Variants in CORO7 observed in about 807,000 individuals in gnomAD.
CORO7 encodes the protein coronin 7, also known as coronin-7.
Under a neutral mutation model 126.6 loss-of-function variants are expected in CORO7, and 107 were observed. The ratio of observed to expected loss-of-function variants is 0.85; its 90% CI spans 0.72 to 0.99. The LOEUF (loss-of-function observed/expected upper bound fraction) is 0.99, where lower values mean the gene tolerates loss of function less well. CORO7 is among the 50% of genes least tolerant of loss of function. CORO7 has a pLI of 0.00. For synonymous variants in CORO7, 603 were observed against 536.8 expected (o/e 1.12, Z -1.70); for missense variants, 1,314 against 1,255.8 (o/e 1.05, Z -0.70).
At chr16:4,357,508 C>T (rs975269493) in intron 25 of CORO7, 18 of 438,256 alleles carry the variant, frequency 4.1e-5, no homozygotes, top group Non-Finnish European at 7.2e-5. Context: ...TGCAGGCGCC[C>T]ACCACGCCAG....
rs768400250 is a variant in CORO7 at position 4,381,647 on chromosome 16, C to T, written c.785+6339G>A. The T allele has an allele frequency of 6.7e-5, 108 of 1,601,570 alleles. No individual in the cohort carries two copies. The highest frequency in any genetic ancestry group is 8.2e-5 in the Non-Finnish European group (96 of 1,174,978). The stretch of plus-strand genomic sequence containing the variant: ...AACACCCGCATTGCCCAGCTGCGGC[C>T]CGAGGACCTGGCCGGCCTGGCTGCC... On this transcript the variant is annotated intron_variant, in intron 9 of 27. Transcript: ENST00000251166.
At chr16:4,373,688 A>G (rs1376616454) in intron 9 of CORO7, among the ~76,000 whole-genome samples, 1 of 152,154 alleles carries the variant, frequency 6.6e-6, no homozygotes, top group African/African-American at 2.4e-5. Flanking sequence ...AGCTGGGACA[A>G]GTCCCAAGTA....
chr16:4,400,585 A>G (rs1371698431), intron 6 of CORO7, among the ~76,000 whole-genome samples: 1 of 152,114 alleles, frequency 6.6e-6, no homozygotes, highest in Non-Finnish European at 1.5e-5. Flanking sequence ...GTGAGCTGAG[A>G]TCGTGCCATT....
Position 4,358,374 on chromosome 16 carries a change from CG to C in CORO7, c.2449del (p.Arg817GlufsTer17). 6.2e-7 allele frequency: 1 copy of C among 1,612,438 alleles called. No homozygotes were observed. Among genetic ancestry groups the C allele is most frequent in the Non-Finnish European group, 8.5e-7 (1 of 1,179,704 alleles). ...SLEPVAFRLP[R>X]VRKEFFQDDV... ...CCAGGTCCCCACCCTCACCCGGACTCGGGGCAGCCGGAAGGCCACAGGCTCC... is the reference window on the plus strand; with the variant it reads ...CCAGGTCCCCACCCTCACCCGGACTCGGGCAGCCGGAAGGCCACAGGCTCC... On this transcript the variant is annotated frameshift_variant, in exon 24 of 28. Coordinates refer to ENST00000251166, the MANE Select transcript of CORO7 (RefSeq NM_024535.5). LOFTEE classifies it high-confidence loss of function.
intron 6 of CORO7, among the ~76,000 whole-genome samples, chr16:4,403,618 A>G (rs1396981402): frequency 6.6e-6 from 1 of 152,166 alleles, no homozygotes; most frequent in Non-Finnish European, 1.5e-5. Flanking sequence ...TGTGACTCCT[A>G]TGACTCTTCC....
At chr16:4,408,290 G>A (rs745831113) in intron 3 of CORO7, 39 bp from the exon 4 acceptor site, 9 of 1,614,026 alleles carry the variant, frequency 5.6e-6, no homozygotes, top group African/African-American at 1.3e-5. Context: ...GGAATGTCCT[G>A]TTTCCAACCC....
At chr16:4,381,632 T>C (rs2054969913) in intron 9 of CORO7, 4 of 1,600,176 alleles carry the variant, frequency 2.5e-6, no homozygotes, top group Non-Finnish European at 3.4e-6. Context: ...AACACCCGCA[T>C]TGCCCAGCTG....
At chr16:4,395,573 T>C (rs1441931252) in intron 6 of CORO7, among the ~76,000 whole-genome samples, 1 of 152,186 alleles carries the variant, frequency 6.6e-6, no homozygotes, top group African/African-American at 2.4e-5. Flanking sequence ...GCCTGAGACC[T>C]ACTCAGTGAG....
At chr16:4,415,531 C>A (rs1411768536) in intron 1 of CORO7, among the ~76,000 whole-genome samples, 1 of 152,118 alleles carries the variant, frequency 6.6e-6, no homozygotes, top group African/African-American at 2.4e-5. Context: ...AGGAAAATGC[C>A]GTTGTGTTCA....
rs201255366 is a variant in CORO7, at chr16:4,358,477, C to T, written c.2347G>A (p.Val783Ile). The T allele has an allele frequency of 8.1e-4, 1,287 of 1,596,458 alleles. 25 individuals carry two copies. In the South Asian group the frequency reaches 0.013, roughly 16 times the overall value. Residue 783 changes from valine to isoleucine, a missense_variant, in exon 24 of 28, where the codon GTC becomes ATC. Val to Ile is a conservative substitution (Grantham distance 29, BLOSUM62 3). Coordinates refer to ENST00000251166, the MANE Select transcript of CORO7 (RefSeq NM_024535.5). Reference protein sequence around the residue: ...FTSPDPHKGLVLLPKTECDVR... With the variant: ...FTSPDPHKGLILLPKTECDVR... ...TCGCACTCCGTCTTAGGCAGGAGGA[C>T]GAGGCCCTGGGGGAGCAAGGGAGTC...
rs138027784 is a variant in CORO7 at position 4,413,162 on chromosome 16, C to G, written c.157+146G>C. On this transcript the variant is annotated intron_variant, in intron 2 of 27. Coordinates refer to ENST00000251166, the MANE Select transcript of CORO7 (RefSeq NM_024535.5). ...GGACCAGTTTGTGGGGGTCTAAGGT[C>G]TGGCATGGGGCTCACCTCTGAGCCC... is the stretch of plus-strand genomic sequence containing the variant. 5.7e-3 allele frequency: 4,319 copies of G among 762,048 alleles called. 13 individuals are homozygous for G. The highest frequency in any genetic ancestry group is 7.4e-3 in the Non-Finnish European group (3,597 of 483,764). 47.2% of individuals were successfully genotyped at this position (762,048 alleles called of 1,614,324 possible).
chr16:4,362,188 C>A lies in CORO7; in HGVS notation c.1403-28G>T, dbSNP rs779952117. On this transcript the variant is annotated intron_variant, in intron 15 of 27. Transcript: ENST00000251166. This position sits in a 1 kb window ranked among gnomAD's most constrained non-coding sequence, Gnocchi z 5.3. The stretch of plus-strand genomic sequence containing the variant: ...GGCAGGTGGCAGGGACATGGAACCA[C>A]GTGTGAGGATGCCGTCCCCGCCCGC... 6.3e-7 allele frequency: 1 copy of A among 1,593,644 alleles called. No individual in the cohort carries two copies. Among genetic ancestry groups the A allele is most frequent in the Non-Finnish European group, 8.5e-7 (1 of 1,169,934 alleles).
rs1426020999 is a variant in CORO7, at chr16:4,362,657, C to T, written c.1357G>A (p.Gly453Ser). ...CTCAAACTGGGGCTGGTCCCGATGC[C>T]ACTGGTGCTGGAGAGTGAGGGCCCC... Reference protein sequence around the residue: ...SLGPSLSSTSGIGTSPSLRSL... With the variant: ...SLGPSLSSTSSIGTSPSLRSL... Residue 453 changes from glycine (G) to serine (S), a missense_variant, in exon 15 of 28, where the codon GGC becomes AGC. Transcript: ENST00000251166. The surrounding 1 kb of genome is among the most constrained non-coding windows in gnomAD (Gnocchi z 5.3). 1 of 1,550,160 alleles carries T rather than the reference C, an allele frequency of 6.5e-7. No individual in the cohort carries two copies. The highest frequency in any genetic ancestry group is 8.7e-7 in the Non-Finnish European group (1 of 1,151,556).
chr16:4,387,957 C>A (rs1230213378), intron 9 of CORO7, 29 bp downstream of exon 9: 2 of 1,611,236 alleles, frequency 1.2e-6, no homozygotes, highest in Non-Finnish European at 8.5e-7. Flanking sequence ...CATCAGCCCC[C>A]CAGCCCACCT....
chr16:4,360,211 G>GTGAC, intron 21 of CORO7, 67 bp downstream of exon 21: 1 of 1,601,968 alleles, frequency 6.2e-7, no homozygotes, highest in East Asian at 2.2e-5. Context: ...ACAAATGTAT[G>GTGAC]TGACTGTGGA....
intron 17 of CORO7, 55 bp from the exon 18 acceptor site, chr16:4,361,303 C>G (rs967826321): frequency 3.7e-6 from 6 of 1,610,134 alleles, no homozygotes; most frequent in African/African-American, 1.3e-5. Flanking sequence ...TCTGGGCTCC[C>G]CAGCCCCTAT....
intron 2 of CORO7, chr16:4,412,660 CCT>C (rs1468345466): frequency 1.8e-6 from 1 of 543,440 alleles, no homozygotes; most frequent in East Asian, 3.0e-5. Flanking sequence ...GGCGAGAGGT[CCT>C]CTCTTTTTAA....
rs144404600 is a variant in CORO7, at chr16:4,381,108, C to A, written c.785+6878G>T. 3.1e-5 allele frequency: 50 copies of A among 1,608,834 alleles called. 2 individuals are homozygous for A. The Middle Eastern group carries it at 5.6e-3, about 180-fold the overall frequency. On this transcript the variant is annotated intron_variant, in intron 9 of 27. Transcript: ENST00000251166. ...CAGGCAGCTTTGCCGGCCTGCCGGG[C>A]CTGCAGCTCCTGGACCTGTCACAGA...
At chr16:4,388,859 C>A (rs2055288680) in intron 7 of CORO7, among the ~76,000 whole-genome samples, 1 of 152,194 alleles carries the variant, frequency 6.6e-6, no homozygotes, top group South Asian at 2.1e-4. Flanking sequence ...GCTCTGCACC[C>A]AGAGGCCAAC....
Sources: gnomAD v4.1 joint callset for allele counts (sites outside exome capture counted in the v4.1 genomes callset) on GRCh38, gnomAD v4.1.1 for gene constraint, Gnocchi (gnomAD v3.1) non-coding constraint, MANE v1.5 for transcripts, NCBI Gene and HGNC (gene_info 2026-07-23, HGNC 2026-07-21) for gene names.